The following HEMK1 variants were observed in gnomAD, a reference collection of about 807,000 sequenced individuals.
The protein encoded by HEMK1 is HemK methyltransferase 1, mitochondrial release factors N(5)-glutamine, also known as MTRF1L release factor glutamine methyltransferase.
In HEMK1, 36 loss-of-function variants were observed where a neutral mutation model predicts 47.9. The ratio of observed to expected loss-of-function variants is 0.75; its 90% CI spans 0.58 to 0.99. The LOEUF is 0.99. HEMK1 is among the 50% of genes least tolerant of loss of function. The pLI is 0.00. For missense variants in HEMK1, 383 were observed against 434.5 expected, an observed-to-expected ratio of 0.88 and a Z score of 1.05; for synonymous variants, 153 against 165.4, an observed-to-expected ratio of 0.93 and a Z score of 0.57.
In HEMK1 at chr3:50,578,916, G is replaced by A. The variant is rs1436524350; in HGVS notation, c.760G>A (p.Glu254Lys). The A allele has an allele frequency of 6.2e-7, 1 of 1,611,224 alleles. No individual in the cohort carries two copies. Residue 254 changes from glutamate to lysine, a missense_variant, in exon 8 of 11, where the codon GAG (glutamate) becomes AAG (lysine). Transcript: ENST00000232854. ...CCAGGACATGGAGCAGCTGGCCCCT[G>A]AGATCCGCAGGTGCTAAGCAGGGTG... ...FHQDMEQLAP[E>K]IRSYEDPAAL...
At chr3:50,570,682 C>T (rs1417277379) in intron 1 of HEMK1, 1 of 159,720 alleles carries the variant, frequency 6.3e-6, no homozygotes, top group African/African-American at 2.4e-5. Context: ...CCTGTCCCCA[C>T]ATATGTGCCC....
At chr3:50,570,846 G>T (rs940739105) in intron 1 of HEMK1, 85 bp from the exon 2 acceptor site, 2 of 387,226 alleles carry the variant, frequency 5.2e-6, no homozygotes, top group Non-Finnish European at 9.3e-6. Flanking sequence ...CAGAGCAAGA[G>T]CACAACTATT....
In HEMK1 at chr3:50,571,324, G is replaced by A; in HGVS notation, c.220G>A (p.Ala74Thr). The A allele has an allele frequency of 6.3e-7, 1 of 1,588,434 alleles. No individual in the cohort carries two copies. Among genetic ancestry groups the A allele is most frequent in the Non-Finnish European group, 8.6e-7 (1 of 1,166,456 alleles). ...SEYIVAHVLG[A>T]KTFQSLRPAL... ...GTACATCGTGGCTCATGTCCTTGGA[G>A]CCAAAACAGTTAAGTTTAGTGTTGT... The change falls in exon 2 of 11, where the codon GCC (alanine) becomes ACC (threonine). Residue 74 changes from alanine to threonine, a missense_variant. Coordinates refer to ENST00000232854, the MANE Select transcript of HEMK1 (RefSeq NM_016173.5).
chr3:50,570,854 A>G (rs977885834), intron 1 of HEMK1, 77 bp from the exon 2 acceptor site: 3 of 408,954 alleles, frequency 7.3e-6, no homozygotes, highest in African/African-American at 6.2e-5. Context: ...GAGCACAACT[A>G]TTCTCAGGCA....
At chr3:50,577,280 G>C in intron 5 of HEMK1, 94 bp downstream of exon 5, 1 of 1,440,414 alleles carries the variant, frequency 6.9e-7, no homozygotes, top group Non-Finnish European at 9.5e-7. Context: ...AGGAGCGCTT[G>C]AGGGGAAGCA....
rs1376621136 is a variant in HEMK1, at chr3:50,581,198, A to C, written c.*781A>C. 1 of 152,270 alleles carries C rather than the reference A, an allele frequency of 6.6e-6. No individual in the cohort carries two copies. Among genetic ancestry groups the C allele is most frequent in the African/African-American group, 2.4e-5 (1 of 41,398 alleles). The allele number at this position is 152,270 out of a possible 1,614,324, so 9.4% of individuals were successfully genotyped here. A position where few individuals can be genotyped will look rare whatever the true frequency, so the allele number is the denominator to read the frequency against. On this transcript the variant is annotated 3_prime_UTR_variant, in exon 11 of 11. Coordinates refer to ENST00000232854, the MANE Select transcript of HEMK1 (RefSeq NM_016173.5). ...TCCCTGGTTGGGGCTGGGGAGAGTGAGAAGCTGAGATACTGGGCACAGGGT... is the reference window on the plus strand; with the variant it reads ...TCCCTGGTTGGGGCTGGGGAGAGTGCGAAGCTGAGATACTGGGCACAGGGT...
rs373032925 is a variant in HEMK1 at position 50,579,856 on chromosome 3, C to G, written c.783C>G (p.Pro261=). The change falls in exon 9 of 11, where the codon CCC becomes CCG. Residue 261 remains proline, a synonymous_variant. Coordinates refer to ENST00000232854, the MANE Select transcript of HEMK1 (RefSeq NM_016173.5). The part of the protein sequence containing the change: ...LAPEIRSYED[P]AALDGGEEGM... ...CTTTGCCTTTCAGCTATGAAGACCC[C>G]GCGGCCCTGGATGGTGGGGAGGAGG... 5.0e-6 allele frequency: 8 copies of G among 1,613,486 alleles called. No homozygotes were observed. Among genetic ancestry groups the G allele is most frequent in the South Asian group, 1.1e-5 (1 of 90,998 alleles).
chr3:50,579,951 A>G lies in HEMK1; in HGVS notation c.866+12A>G. 6.2e-7 allele frequency: 1 copy of G among 1,606,298 alleles called. No homozygotes were observed. Among genetic ancestry groups the G allele is most frequent in the Non-Finnish European group, 8.5e-7 (1 of 1,173,246 alleles). On this transcript the variant is annotated intron_variant, in intron 9 of 10. Coordinates refer to ENST00000232854, the MANE Select transcript of HEMK1 (RefSeq NM_016173.5). ...CTGAAAGACTCTGGGTATGAATGGG[A>G]TGGGTCTCCTAGGTCTGTCCCCAGC... is the stretch of plus-strand genomic sequence containing the variant.
chr3:50,572,735 G>A (rs949790961), intron 4 of HEMK1, among the ~76,000 whole-genome samples: 4 of 152,246 alleles, frequency 2.6e-5, no homozygotes, highest in Admixed American at 2.6e-4. Flanking sequence ...GACTGGTCTG[G>A]TAATCACCTG....
In HEMK1 at chr3:50,587,058, G is replaced by T. The variant is rs1179353140; in HGVS notation, c.*6641G>T. ...GTTGAGGACACCAAGGCTCAGCAGG[G>T]TGCAGTTGCAGGTCAGGTTGCATAG... On this transcript the variant is annotated 3_prime_UTR_variant, in exon 11 of 11. Coordinates refer to ENST00000232854, the MANE Select transcript of HEMK1 (RefSeq NM_016173.5). The surrounding 1 kb of genome is among the most constrained non-coding windows in gnomAD (Gnocchi z 4.2). 1.3e-5 allele frequency: 2 copies of T among 152,122 alleles called. No individual in the cohort carries two copies. The highest frequency in any genetic ancestry group is 2.9e-5 in the Non-Finnish European group (2 of 68,036). The allele number at this position is 152,122 out of a possible 1,614,324, so 9.4% of individuals were successfully genotyped here.
intron 7 of HEMK1, 150 bp downstream of exon 7, chr3:50,578,025 T>A (rs2030005826): frequency 1.3e-6 from 1 of 762,554 alleles, no homozygotes; most frequent in Non-Finnish European, 2.3e-6. Context: ...TGTGTGCACG[T>A]TTGTGGCAGC....
At position 50,580,551 on chromosome 3, in the gene HEMK1, A is replaced by C; in HGVS notation, c.*134A>C. 2.2e-6 allele frequency: 2 copies of C among 917,654 alleles called. No individual in the cohort carries two copies. Among genetic ancestry groups the C allele is most frequent in the South Asian group, 3.2e-5 (2 of 62,738 alleles). 56.8% of individuals were successfully genotyped at this position (917,654 alleles called of 1,614,324 possible). Reference sequence around the variant, plus strand: ...TTTCCCCATGCTCTGCATTTCTAGGATATTTCTAGGACACCTGGATTGGCT... The same window carrying C: ...TTTCCCCATGCTCTGCATTTCTAGGCTATTTCTAGGACACCTGGATTGGCT... On this transcript the variant is annotated 3_prime_UTR_variant, in exon 11 of 11. Transcript: ENST00000232854.
In HEMK1 at chr3:50,580,843, C is replaced by T; in HGVS notation, c.*426C>T. 1 of 233,940 alleles carries T rather than the reference C, an allele frequency of 4.3e-6. No individual in the cohort carries two copies. Among genetic ancestry groups the T allele is most frequent in the Non-Finnish European group, 8.5e-6 (1 of 118,154 alleles). The allele number at this position is 233,940 out of a possible 1,614,324, so 14.5% of individuals were successfully genotyped here. ...GAGGAAGGCACGTGAGTCCTCACTC[C>T]TGGCCTTGGATACCATGGGTCCTGG... is the stretch of plus-strand genomic sequence containing the variant. On this transcript the variant is annotated 3_prime_UTR_variant, in exon 11 of 11. Transcript: ENST00000232854.
In HEMK1 at chr3:50,571,305, C is replaced by G; in HGVS notation, c.201C>G (p.Ile67Met). 3 of 1,605,328 alleles carry G rather than the reference C, an allele frequency of 1.9e-6. No individual in the cohort carries two copies. Among genetic ancestry groups the G allele is most frequent in the Non-Finnish European group, 2.6e-6 (3 of 1,175,514 alleles). Residue 67 changes from isoleucine to methionine, a missense_variant, in exon 2 of 11, where the codon ATC (isoleucine) becomes ATG (methionine). Ile to Met is a conservative substitution (Grantham distance 10). Transcript: ENST00000232854. ...AGGCCCGGGAATCCAGTGAGTACAT[C>G]GTGGCTCATGTCCTTGGAGCCAAAA... Reference protein sequence around the residue: ...IPEARESSEYIVAHVLGAKTF... With the variant: ...IPEARESSEYMVAHVLGAKTF...
At chr3:50,574,283 G>A (rs1701333419) in intron 4 of HEMK1, among the ~76,000 whole-genome samples, 1 of 152,226 alleles carries the variant, frequency 6.6e-6, no homozygotes, top group African/African-American at 2.4e-5. Context: ...GGCTGAGGGA[G>A]GCTCTTCACT....
At position 50,583,653 on chromosome 3, in the gene HEMK1, T is replaced by G. The variant is rs997002003; in HGVS notation, c.*3236T>G. The stretch of plus-strand genomic sequence containing the variant: ...CTCTTTTTTTTCTTCATTGGCTCCT[T>G]CTTAGTGGATTCTCTTCTCTACTGC... On this transcript the variant is annotated 3_prime_UTR_variant, in exon 11 of 11. Transcript: ENST00000232854. 6.6e-6 allele frequency: 1 copy of G among 152,288 alleles called. No individual in the cohort carries two copies. The highest frequency in any genetic ancestry group is 1.5e-5 in the Non-Finnish European group (1 of 68,090). The allele number at this position is 152,288 out of a possible 1,614,324, so 9.4% of individuals were successfully genotyped here.
chr3:50,572,151 C>T lies in HEMK1; in HGVS notation c.357C>T (p.Phe119=). The change falls in exon 4 of 11, where the codon TTC becomes TTT. Residue 119 remains phenylalanine, a synonymous_variant. Transcript: ENST00000232854. ...PVQYILGEWD[F]QGLSLRMVPP... is the part of the protein sequence containing the mutation. ...AGTACATCCTTGGAGAGTGGGACTT[C>T]CAGGGGCTCAGCCTAAGGATGGTGC... The T allele has an allele frequency of 6.2e-7, 1 of 1,613,926 alleles. No individual in the cohort carries two copies.
At position 50,571,003 on chromosome 3, in the gene HEMK1, C is replaced by G. The variant is rs1700890634; in HGVS notation, c.-102C>G. The G allele has an allele frequency of 3.6e-6, 3 of 842,030 alleles. No individual in the cohort carries two copies. Among genetic ancestry groups the G allele is most frequent in the Non-Finnish European group, 1.8e-6 (1 of 548,712 alleles). 52.2% of individuals were successfully genotyped at this position (842,030 alleles called of 1,614,324 possible). On this transcript the variant is annotated 5_prime_UTR_variant, in exon 2 of 11. Coordinates refer to ENST00000232854, the MANE Select transcript of HEMK1 (RefSeq NM_016173.5). ...GAGCTTGTGACCTCTCCATCTCCAC[C>G]CAGCTGGGTCCAGGGGCCACTCTCA...
rs199595981 is a variant in HEMK1 at position 50,571,789 on chromosome 3, G to A, written c.308G>A (p.Arg103His). 44 of 1,614,040 alleles carry A rather than the reference G, an allele frequency of 2.7e-5. No individual in the cohort carries two copies. In the Admixed American group the frequency reaches 2.8e-4, roughly 10 times the overall value. Residue 103 changes from arginine (R) to histidine (H), a missense_variant, in exon 3 of 11, where the codon CGT becomes CAT. Physicochemically the swap from Arg to His is conservative, Grantham distance 29 (BLOSUM62 0). Transcript: ENST00000232854. Reference sequence around the variant, plus strand: ...CAGTGTATCCGGGAGCTGAGTAGCCGTCGATTGCAGAGGTGAGCACCCATG... The same window carrying A: ...CAGTGTATCCGGGAGCTGAGTAGCCATCGATTGCAGAGGTGAGCACCCATG... The part of the protein sequence containing the change: ...QLQCIRELSS[R>H]RLQRMPVQYI...
Sources: allele counts gnomAD v4.1 joint callset (sites outside exome capture counted in the v4.1 genomes callset), GRCh38; gene constraint gnomAD v4.1.1; non-coding constraint Gnocchi (gnomAD v3.1); transcripts MANE v1.5; gene names NCBI Gene and HGNC (gene_info 2026-07-23, HGNC 2026-07-21).